The following PSTPIP2 variants were observed in gnomAD, a reference collection of about 807,000 sequenced individuals.
PSTPIP2 encodes the protein proline-serine-threonine phosphatase-interacting protein 2.
In PSTPIP2, 33 loss-of-function variants were observed where a neutral mutation model predicts 63.3. The observed-to-expected ratio is 0.52, with a 90% CI of 0.40 to 0.70. The LOEUF is 0.70. Ranked by LOEUF, PSTPIP2 falls within the 30% of genes least tolerant of loss-of-function variation. The pLI is 0.00. For synonymous variants in PSTPIP2, 125 were observed against 132.7 expected (o/e 0.94, Z 0.40); for missense variants, 312 against 400.7 (o/e 0.78, Z 1.89).
At chr18:46,054,513 T>A (rs1189997274) in intron 1 of PSTPIP2, among the ~76,000 whole-genome samples, 1 of 152,172 alleles carries the variant, frequency 6.6e-6, no homozygotes, top group Non-Finnish European at 1.5e-5. Context: ...TGAATAATAA[T>A]GTATACATAC....
intron 1 of PSTPIP2, among the ~76,000 whole-genome samples, chr18:46,055,617 C>G (rs573455155): frequency 6.6e-6 from 1 of 152,324 alleles, no homozygotes; most frequent in Admixed American, 6.5e-5. Flanking sequence ...CTGTGCCCAG[C>G]CAGTGCCAAC....
intron 1 of PSTPIP2, among the ~76,000 whole-genome samples, chr18:46,068,040 A>G (rs1158667945): frequency 6.6e-6 from 1 of 152,072 alleles, no homozygotes; most frequent in African/African-American, 2.4e-5. Context: ...AGAGCACTGT[A>G]CAGTCAGTTC....
intron 1 of PSTPIP2, among the ~76,000 whole-genome samples, chr18:46,043,217 C>T (rs1908255720): frequency 7.3e-6 from 1 of 137,780 alleles, no homozygotes; most frequent in Admixed American, 7.6e-5. Flanking sequence ...GAAACCTCAC[C>T]TCTCCTTAAA....
intron 14 of PSTPIP2, among the ~76,000 whole-genome samples, chr18:45,985,770 T>C (rs2144052299): frequency 6.7e-6 from 1 of 148,926 alleles, no homozygotes; most frequent in Middle Eastern, 3.4e-3. Flanking sequence ...TCCTAACTCT[T>C]CTTGTTTAAA....
At chr18:46,055,171 C>A (rs144145497) in intron 1 of PSTPIP2, among the ~76,000 whole-genome samples, 1 of 152,080 alleles carries the variant, frequency 6.6e-6, no homozygotes, top group African/African-American at 2.4e-5. Flanking sequence ...GCTAGCTTGA[C>A]CTTACCACAT....
intron 1 of PSTPIP2, among the ~76,000 whole-genome samples, chr18:46,069,812 A>G (rs901032201): frequency 2.0e-5 from 3 of 151,674 alleles, no homozygotes; most frequent in Non-Finnish European, 4.4e-5. Flanking sequence ...CTCTTCCTCT[A>G]TTTCTCTGTC....
At chr18:46,020,420 T>A (rs1599719821) in intron 3 of PSTPIP2, among the ~76,000 whole-genome samples, 1 of 152,096 alleles carries the variant, frequency 6.6e-6, no homozygotes, top group Non-Finnish European at 1.5e-5. Flanking sequence ...TTTGGGAGGC[T>A]GAGGCAGGTG....
chr18:46,057,455 G>A (rs554525483), intron 1 of PSTPIP2, among the ~76,000 whole-genome samples: 8 of 151,674 alleles, frequency 5.3e-5, no homozygotes, highest in African/African-American at 1.9e-4. Context: ...AGCCTCCAGA[G>A]TAGCTAGGAT....
chr18:46,072,226 C>T lies in PSTPIP2; in HGVS notation c.-38G>A, dbSNP rs568476686. 5.9e-6 allele frequency: 9 copies of T among 1,528,010 alleles called. No individual in the cohort carries two copies. In the African/African-American group the frequency reaches 1.1e-4, roughly 19 times the overall value. The allele number at this position is 1,528,010 out of a possible 1,614,324, so 94.7% of individuals were successfully genotyped here. Reference sequence around the variant, plus strand: ...GGGGGCGCGGAGGAGAGCCGGGCCGCAGGTAGCACAGAGCGGGGAGGCCTG... The same window carrying T: ...GGGGGCGCGGAGGAGAGCCGGGCCGTAGGTAGCACAGAGCGGGGAGGCCTG... On this transcript the variant is annotated 5_prime_UTR_variant, in exon 1 of 15. Coordinates refer to ENST00000409746, the MANE Select transcript of PSTPIP2 (RefSeq NM_024430.4).
At chr18:46,032,511 T>C (rs1456405488) in intron 2 of PSTPIP2, among the ~76,000 whole-genome samples, 2 of 151,946 alleles carry the variant, frequency 1.3e-5, no homozygotes, top group Non-Finnish European at 2.9e-5. Context: ...CCCAGCACTT[T>C]GGGAGGCTGA....
At chr18:46,034,543 T>C (rs1398157839) in intron 2 of PSTPIP2, among the ~76,000 whole-genome samples, 3 of 152,216 alleles carry the variant, frequency 2.0e-5, no homozygotes, top group Non-Finnish European at 2.9e-5. Flanking sequence ...ATATATTCCT[T>C]ACTTGCCTTC....
chr18:45,991,392 A>G (rs1599693566), intron 12 of PSTPIP2, among the ~76,000 whole-genome samples: 1 of 152,008 alleles, frequency 6.6e-6, no homozygotes, highest in African/African-American at 2.4e-5. Flanking sequence ...ACTCTACTCA[A>G]CTCTAGTGGC....
At chr18:45,995,687 G>A (rs2051586815) in intron 9 of PSTPIP2, among the ~76,000 whole-genome samples, 1 of 152,254 alleles carries the variant, frequency 6.6e-6, no homozygotes, top group Non-Finnish European at 1.5e-5. Context: ...GCAAATCCCA[G>A]ATGCTGCAGG....
intron 2 of PSTPIP2, chr18:46,029,442 CAAG>C (rs1907710217): frequency 7.5e-7 from 1 of 1,332,844 alleles, no homozygotes; most frequent in African/African-American, 1.4e-5. Flanking sequence ...GATGTGAACT[CAAG>C]GAGGTGCCTT....
intron 1 of PSTPIP2, 105 bp from the exon 2 acceptor site, chr18:46,040,152 T>G: frequency 1.1e-6 from 1 of 892,818 alleles, no homozygotes; most frequent in South Asian, 1.7e-5. Context: ...GGAACGTTGC[T>G]GACTCACTTT....
chr18:46,022,444 A>G lies in PSTPIP2; in HGVS notation c.212+2165T>C, dbSNP rs542038997. Among the ~76,000 whole-genome samples, 7 of 152,260 alleles carry G rather than the reference A, an allele frequency of 4.6e-5. No homozygotes were observed. In the South Asian group the frequency reaches 8.3e-4, roughly 18 times the overall value. ...CAGCCAGAGCAGGATACAGGAAAGT[A>G]TGTTATGTGGTTAGGTCTGGAAAGA... On this transcript the variant is annotated intron_variant, in intron 3 of 14. Transcript: ENST00000409746.
At chr18:46,018,505 A>G (rs1202089720) in intron 3 of PSTPIP2, among the ~76,000 whole-genome samples, 1 of 151,782 alleles carries the variant, frequency 6.6e-6, no homozygotes. Flanking sequence ...AGTAGCTGGG[A>G]TTACAGGTGC....
chr18:45,994,956 T>C (rs1014112239), intron 9 of PSTPIP2, among the ~76,000 whole-genome samples: 1 of 152,148 alleles, frequency 6.6e-6, no homozygotes, highest in Non-Finnish European at 1.5e-5. Context: ...TTTTTTCAGA[T>C]TCTGTAAAAG....
intron 9 of PSTPIP2, among the ~76,000 whole-genome samples, chr18:45,996,475 C>T (rs1005083772): frequency 6.6e-6 from 1 of 152,144 alleles, no homozygotes; most frequent in African/African-American, 2.4e-5. Context: ...TAGGACCTCA[C>T]TTTGAGAACC....
Sources: gnomAD v4.1 joint callset for allele counts (sites outside exome capture counted in the v4.1 genomes callset) on GRCh38, gnomAD v4.1.1 for gene constraint, MANE v1.5 for transcripts, NCBI Gene and HGNC (gene_info 2026-07-23, HGNC 2026-07-21) for gene names.